KCNAB3: variants seen among roughly 807,000 people sequenced by gnomAD.
The protein encoded by KCNAB3 is voltage-gated potassium channel subunit beta-3.
A neutral mutation model predicts 67.7 loss-of-function variants in KCNAB3; 62 were observed. The observed-to-expected ratio is 0.92, with a 90% CI of 0.75 to 1.13. KCNAB3 has a LOEUF of 1.13. Ranked by LOEUF, KCNAB3 falls within the 50% of genes most tolerant of loss-of-function variation. The pLI is 0.00. For synonymous variants in KCNAB3, 212 were observed against 205.4 expected, an observed-to-expected ratio of 1.03 and a Z score of -0.27; for missense variants, 514 against 522.9, an observed-to-expected ratio of 0.98 and a Z score of 0.17.
rs1972063162 is a variant in KCNAB3, at chr17:7,922,367, C to A, written c.*735G>T. ...TTTATTTATTTTTTTTAAATCAAGGCGTCCCTGCCCGTGACGGAAAGGCTG... is the reference window on the plus strand; with the variant it reads ...TTTATTTATTTTTTTTAAATCAAGGAGTCCCTGCCCGTGACGGAAAGGCTG... On this transcript the variant is annotated 3_prime_UTR_variant, in exon 14 of 14. Coordinates refer to ENST00000303790, the MANE Select transcript of KCNAB3 (RefSeq NM_004732.4). 6.6e-6 allele frequency: 1 copy of A among 152,128 alleles called. No homozygotes were observed. The allele number at this position is 152,128 out of a possible 1,614,324, so 9.4% of individuals were successfully genotyped here. A position where few individuals can be genotyped will look rare whatever the true frequency, so the allele number is the denominator to read the frequency against.
chr17:7,926,920 A>G (rs1393100547), intron 4 of KCNAB3, among the ~76,000 whole-genome samples: 2 of 151,930 alleles, frequency 1.3e-5, no homozygotes, highest in African/African-American at 2.4e-5. Context: ...GGGGTGACCA[A>G]CTCTGGGGAG....
intron 1 of KCNAB3, chr17:7,928,078 T>C (rs1009743537): frequency 6.4e-5 from 38 of 593,198 alleles, no homozygotes; most frequent in Non-Finnish European, 9.0e-5. Context: ...CATTCCCTCT[T>C]ATCACATTGA....
In KCNAB3 at chr17:7,929,620, G is replaced by T; in HGVS notation, c.-185C>A. The T allele has an allele frequency of 7.0e-7, 1 of 1,431,278 alleles. No individual in the cohort carries two copies. The highest frequency in any genetic ancestry group is 1.5e-5 in the African/African-American group (1 of 68,122). 88.7% of individuals were successfully genotyped at this position (1,431,278 alleles called of 1,614,324 possible). On this transcript the variant is annotated 5_prime_UTR_variant, in exon 1 of 14. Coordinates refer to ENST00000303790, the MANE Select transcript of KCNAB3 (RefSeq NM_004732.4). The surrounding 1 kb of genome is among the most constrained non-coding windows in gnomAD (Gnocchi z 5.7). Reference sequence around the variant, plus strand: ...GGGGCGGGCTGCTGGAGGTCGCGAGGTTTGCGGCGGGAGGGAAGAAACGTG... The same window carrying T: ...GGGGCGGGCTGCTGGAGGTCGCGAGTTTTGCGGCGGGAGGGAAGAAACGTG...
intron 8 of KCNAB3, 160 bp from the exon 9 acceptor site, chr17:7,924,660 G>A (rs748114722): frequency 7.2e-7 from 1 of 1,386,548 alleles, no homozygotes; most frequent in Non-Finnish European, 9.3e-7. Context: ...ACATCCTGGA[G>A]TCTCAGCCTC....
rs924064734 is a variant in KCNAB3 at position 7,922,899 on chromosome 17, G to A, written c.*203C>T. 3.5e-5 allele frequency: 21 copies of A among 593,136 alleles called. No individual in the cohort carries two copies. The highest frequency in any genetic ancestry group is 6.1e-5 in the Non-Finnish European group (20 of 329,856). 36.7% of individuals were successfully genotyped at this position (593,136 alleles called of 1,614,324 possible). A position where few individuals can be genotyped will look rare whatever the true frequency, so the allele number is the denominator to read the frequency against. ...GAAAGACGCAGCAGGGGGCGGGCGT[G>A]CTACTTTCTCTCTCGACCCCACTGC... On this transcript the variant is annotated 3_prime_UTR_variant, in exon 14 of 14. Transcript: ENST00000303790.
chr17:7,925,802 T>C, intron 6 of KCNAB3, 76 bp from the exon 7 acceptor site: 1 of 1,603,130 alleles, frequency 6.2e-7, no homozygotes, highest in South Asian at 1.1e-5. Flanking sequence ...CATAAGGAAA[T>C]GGGATTGCAC....
intron 8 of KCNAB3, chr17:7,924,736 T>G (rs1344838764): frequency 3.8e-6 from 5 of 1,310,038 alleles, no homozygotes; most frequent in Non-Finnish European, 4.9e-6. Context: ...GAGGAAGTGC[T>G]CAATTTTTGT....
At chr17:7,925,861 C>T (rs1972211348) in intron 6 of KCNAB3, 70 bp downstream of exon 6, 1 of 1,449,718 alleles carries the variant, frequency 6.9e-7, no homozygotes, top group Non-Finnish European at 9.7e-7. Flanking sequence ...GCTGTCCCCA[C>T]CCCCACCCCA....
Position 7,929,324 on chromosome 17 carries a change from C to A in KCNAB3, c.112G>T (p.Gly38Trp), listed in dbSNP as rs760141174. 3.2e-6 allele frequency: 5 copies of A among 1,551,834 alleles called. No individual in the cohort carries two copies. The highest frequency in any genetic ancestry group is 2.7e-5 in the African/African-American group (2 of 73,046). ...PGGGNGGPAGGGHGNPPGGGG... is the reference protein window; with the variant it reads ...PGGGNGGPAGWGHGNPPGGGG... Reference sequence around the variant, plus strand: ...CCCCCCGGAGGATTCCCGTGCCCCCCGCCGGCCGGCCCACCATTACCGCCC... The same window carrying A: ...CCCCCCGGAGGATTCCCGTGCCCCCAGCCGGCCGGCCCACCATTACCGCCC... Residue 38 changes from glycine to tryptophan, a missense_variant, in exon 1 of 14, where the codon GGG becomes TGG. Physicochemically the swap from Gly to Trp is radical, Grantham distance 184. Transcript: ENST00000303790. The surrounding 1 kb of genome is among the most constrained non-coding windows in gnomAD (Gnocchi z 5.7).
chr17:7,927,489 C>T, intron 3 of KCNAB3, 66 bp from the exon 4 acceptor site: 1 of 1,543,338 alleles, frequency 6.5e-7, no homozygotes, highest in Non-Finnish European at 9.0e-7. Flanking sequence ...TGTACTCTAA[C>T]CCATCACATC....
Position 7,929,246 on chromosome 17 carries a change from G to T in KCNAB3, c.190C>A (p.Pro64Thr). The T allele has an allele frequency of 6.2e-7, 1 of 1,609,490 alleles. No homozygotes were observed. The highest frequency in any genetic ancestry group is 8.5e-7 in the Non-Finnish European group (1 of 1,178,462). ...GTGCTCTCTCGGAGGGCCCCAGCGG[G>T]CGCTGGGGGTCGGGGAACCAGTGCA... ...RAALVPRPPA[P>T]AGALRESTGR... Residue 64 changes from proline to threonine, a missense_variant, in exon 1 of 14, where the codon CCC becomes ACC. Pro to Thr is a conservative substitution (Grantham distance 38). Coordinates refer to ENST00000303790, the MANE Select transcript of KCNAB3 (RefSeq NM_004732.4). This position sits in a 1 kb window ranked among gnomAD's most constrained non-coding sequence, Gnocchi z 5.7.
chr17:7,925,154 G>A lies in KCNAB3; in HGVS notation c.568C>T (p.Leu190=), dbSNP rs1972181624. ...GCAAAGACAATGTCCACGTATCCCA[G>A]CTGGAGGCGTTCCAGGGATCCTCGC... is the stretch of plus-strand genomic sequence containing the variant. ...GLRGSLERLQ[L]GYVDIVFANR... Residue 190 remains leucine (L), a synonymous_variant, in exon 8 of 14, where the codon CTG becomes TTG. Coordinates refer to ENST00000303790, the MANE Select transcript of KCNAB3 (RefSeq NM_004732.4). 1 of 1,613,746 alleles carries A rather than the reference G, an allele frequency of 6.2e-7. No homozygotes were observed. Among genetic ancestry groups the A allele is most frequent in the Non-Finnish European group, 8.5e-7 (1 of 1,179,860 alleles).
rs1255430400 is a variant in KCNAB3 at position 7,923,109 on chromosome 17, T to C, written c.1208A>G (p.Lys403Arg). 1 of 1,614,142 alleles carries C rather than the reference T, an allele frequency of 6.2e-7. No individual in the cohort carries two copies. The highest frequency in any genetic ancestry group is 1.7e-5 in the Admixed American group (1 of 60,028). ...DGLLGNKPHS[K>R]K is the part of the protein sequence containing the mutation. ...CCCTGCGCCCGCGACAGACTACTTCTTGGAATGCGGCTTGTTTCCCAGGAG... is the reference window on the plus strand; with the variant it reads ...CCCTGCGCCCGCGACAGACTACTTCCTGGAATGCGGCTTGTTTCCCAGGAG... Residue 403 changes from lysine (K) to arginine (R), a missense_variant, in exon 14 of 14, where the codon AAG becomes AGG. Coordinates refer to ENST00000303790, the MANE Select transcript of KCNAB3 (RefSeq NM_004732.4).
At chr17:7,925,257 G>A (rs1209663289) in intron 7 of KCNAB3, 74 bp from the exon 8 acceptor site, 10 of 1,224,218 alleles carry the variant, frequency 8.2e-6, no homozygotes, top group Non-Finnish European at 6.0e-6. Flanking sequence ...ACCAGGCGTG[G>A]TGGCTCATGC....
At chr17:7,925,483 C>T in intron 7 of KCNAB3, 200 bp downstream of exon 7, 2 of 626,586 alleles carry the variant, frequency 3.2e-6, no homozygotes, top group South Asian at 3.8e-5. Flanking sequence ...GAGCCGAGAT[C>T]GTGCCATTAC....
At position 7,929,633 on chromosome 17, in the gene KCNAB3, G is replaced by C; in HGVS notation, c.-198C>G. The C allele has an allele frequency of 7.0e-7, 1 of 1,429,536 alleles. No individual in the cohort carries two copies. Among genetic ancestry groups the C allele is most frequent in the Non-Finnish European group, 9.1e-7 (1 of 1,099,936 alleles). The allele number at this position is 1,429,536 out of a possible 1,614,324, so 88.6% of individuals were successfully genotyped here. ...GGAGGTCGCGAGGTTTGCGGCGGGA[G>C]GGAAGAAACGTGGGGGGCGCCAGGA... On this transcript the variant is annotated 5_prime_UTR_variant, in exon 1 of 14. Transcript: ENST00000303790. The surrounding 1 kb of genome is among the most constrained non-coding windows in gnomAD (Gnocchi z 5.7).
At chr17:7,927,540 C>G in intron 3 of KCNAB3, 117 bp from the exon 4 acceptor site, 1 of 1,517,124 alleles carries the variant, frequency 6.6e-7, no homozygotes, top group Non-Finnish European at 9.2e-7. Context: ...TCCCCATCCT[C>G]CAGCCTCAGA....
At position 7,922,890 on chromosome 17, in the gene KCNAB3, G is replaced by C; in HGVS notation, c.*212C>G. The C allele has an allele frequency of 1.7e-6, 1 of 589,066 alleles. No individual in the cohort carries two copies. The highest frequency in any genetic ancestry group is 3.1e-6 in the Non-Finnish European group (1 of 327,588). 36.5% of individuals were successfully genotyped at this position (589,066 alleles called of 1,614,324 possible). On this transcript the variant is annotated 3_prime_UTR_variant, in exon 14 of 14. Transcript: ENST00000303790. Reference sequence around the variant, plus strand: ...AAGGGCCTAGAAAGACGCAGCAGGGGGCGGGCGTGCTACTTTCTCTCTCGA... The same window carrying C: ...AAGGGCCTAGAAAGACGCAGCAGGGCGCGGGCGTGCTACTTTCTCTCTCGA...
In KCNAB3 at chr17:7,929,815, G is replaced by T. The variant is rs1485267062; in HGVS notation, c.-380C>A. On this transcript the variant is annotated 5_prime_UTR_variant, in exon 1 of 14. Coordinates refer to ENST00000303790, the MANE Select transcript of KCNAB3 (RefSeq NM_004732.4). This position sits in a 1 kb window ranked among gnomAD's most constrained non-coding sequence, Gnocchi z 5.7. ...GCCACTTCAGCGCGAACCGCTGCGGGACCCGCTGGGCTCCCAGCCGCGTCG... is the reference window on the plus strand; with the variant it reads ...GCCACTTCAGCGCGAACCGCTGCGGTACCCGCTGGGCTCCCAGCCGCGTCG... 5 of 1,030,040 alleles carry T rather than the reference G, an allele frequency of 4.9e-6. No individual in the cohort carries two copies. Among genetic ancestry groups the T allele is most frequent in the Non-Finnish European group, 5.8e-6 (5 of 858,804 alleles). 63.8% of individuals were successfully genotyped at this position (1,030,040 alleles called of 1,614,324 possible). A position where few individuals can be genotyped will look rare whatever the true frequency, so the allele number is the denominator to read the frequency against.
Sources: allele counts gnomAD v4.1 joint callset (sites outside exome capture counted in the v4.1 genomes callset), GRCh38; gene constraint gnomAD v4.1.1; non-coding constraint Gnocchi (gnomAD v3.1); transcripts MANE v1.5; gene names NCBI Gene and HGNC (gene_info 2026-07-23, HGNC 2026-07-21).